Variants in OSBPL3 observed in about 807,000 individuals in gnomAD.
OSBPL3 encodes the protein oxysterol binding protein like 3.
OSBPL3 carries 65 observed loss-of-function variants against 120.1 expected under a neutral mutation model. That is an observed-to-expected ratio of 0.54 (90% CI 0.44 to 0.67). OSBPL3 has a LOEUF of 0.67. Ranked by LOEUF, OSBPL3 falls within the 30% of genes least tolerant of loss-of-function variation. The probability of loss-of-function intolerance (pLI) is 0.00; values close to 1 mark genes in which losing one functional copy is unlikely to be tolerated. For missense variants in OSBPL3, 1,004 were observed against 1,082.1 expected (o/e 0.93, Z 1.01); for synonymous variants, 416 against 402.6 (o/e 1.03, Z -0.40).
At chr7:24,823,889 G>C (rs1163602455) in intron 16 of OSBPL3, among the ~76,000 whole-genome samples, 1 of 152,224 alleles carries the variant, frequency 6.6e-6, no homozygotes, top group Admixed American at 6.5e-5. Flanking sequence ...TATTAGAGTA[G>C]AGAATAATGA....
chr7:24,950,171 C>T (rs1814220320), intron 1 of OSBPL3, among the ~76,000 whole-genome samples: 1 of 152,118 alleles, frequency 6.6e-6, no homozygotes, highest in African/African-American at 2.4e-5. Flanking sequence ...CTTTCTTTAC[C>T]AGAATAAACA....
intron 1 of OSBPL3, among the ~76,000 whole-genome samples, chr7:24,919,649 A>AAAAC (rs1395334871): frequency 1.3e-5 from 2 of 152,014 alleles, no homozygotes; most frequent in African/African-American, 4.8e-5. Context: ...CTAAGGGGGA[A>AAAAC]AAAAGTGATA....
In OSBPL3 at chr7:24,879,396, C is replaced by CCACCGT. The variant is rs1803321133; in HGVS notation, c.97-7333_97-7328dup. Among the ~76,000 whole-genome samples, 3 of 152,320 alleles carry CCACCGT rather than the reference C, an allele frequency of 2.0e-5. No homozygotes were observed. Among genetic ancestry groups the CCACCGT allele is most frequent in the East Asian group, 3.9e-4 (2 of 5,182 alleles). On this transcript the variant is annotated intron_variant, in intron 2 of 22. Transcript: ENST00000313367. The surrounding 1 kb of genome is among the most constrained non-coding windows in gnomAD (Gnocchi z 5.6). ...AAATGGGAGTAGCAGTCATCACCCG[C>CCACCGT]CACCGTCACCATCCCTTCTTTCCCT...
intron 1 of OSBPL3, among the ~76,000 whole-genome samples, chr7:24,950,225 T>C (rs1025621189): frequency 1.2e-4 from 19 of 152,158 alleles, no homozygotes; most frequent in African/African-American, 4.6e-4. Flanking sequence ...TCCATCCACG[T>C]TGACATGTGC....
chr7:24,812,806 G>T (rs1033729623), intron 19 of OSBPL3, among the ~76,000 whole-genome samples: 1 of 152,120 alleles, frequency 6.6e-6, no homozygotes, highest in Admixed American at 6.5e-5. Flanking sequence ...GAAATTTAAA[G>T]TTGAGCTCTC....
At chr7:24,945,766 G>A (rs371483853) in intron 1 of OSBPL3, among the ~76,000 whole-genome samples, 12 of 152,294 alleles carry the variant, frequency 7.9e-5, no homozygotes, top group African/African-American at 2.6e-4. Flanking sequence ...CTGATTGTTC[G>A]TTCATAAGAG....
intron 1 of OSBPL3, among the ~76,000 whole-genome samples, chr7:24,897,303 A>C (rs1186692892): frequency 6.6e-6 from 1 of 151,742 alleles, no homozygotes; most frequent in East Asian, 1.9e-4. Flanking sequence ...ACTACAAACA[A>C]ATAAAGATGG....
In OSBPL3 at chr7:24,936,631, TA is replaced by T. The variant is rs1269065357; in HGVS notation, c.-150+43254del. Among the ~76,000 whole-genome samples, 1 of 151,940 alleles carries T rather than the reference TA, an allele frequency of 6.6e-6. No homozygotes were observed. Among genetic ancestry groups the T allele is most frequent in the Non-Finnish European group, 1.5e-5 (1 of 67,994 alleles). On this transcript the variant is annotated intron_variant, in intron 1 of 22. Coordinates refer to ENST00000313367, the MANE Select transcript of OSBPL3 (RefSeq NM_015550.4). The surrounding 1 kb of genome is among the most constrained non-coding windows in gnomAD (Gnocchi z 4.2). ...CCAGGTGGCAAAGAGAAAATGAAAA[TA>T]GGGGAAAGAGTCACTCTAGTCACAG...
rs1001041140 is a variant in OSBPL3, at chr7:24,916,035, T to C, written c.-149-23414A>G. Among the ~76,000 whole-genome samples, 8 of 152,104 alleles carry C rather than the reference T, an allele frequency of 5.3e-5. No individual in the cohort carries two copies. On this transcript the variant is annotated intron_variant, in intron 1 of 22. Coordinates refer to ENST00000313367, the MANE Select transcript of OSBPL3 (RefSeq NM_015550.4). The surrounding 1 kb of genome is among the most constrained non-coding windows in gnomAD (Gnocchi z 4.9). Reference sequence around the variant, plus strand: ...ACAAAAATAAAACAAGCAGCATACATCAGAAAGCCAGGCAGGGACAAAGGG... The same window carrying C: ...ACAAAAATAAAACAAGCAGCATACACCAGAAAGCCAGGCAGGGACAAAGGG...
In OSBPL3 at chr7:24,872,175, G is replaced by A. The variant is rs184760757; in HGVS notation, c.97-106C>T. On this transcript the variant is annotated intron_variant, in intron 2 of 22. Coordinates refer to ENST00000313367, the MANE Select transcript of OSBPL3 (RefSeq NM_015550.4). This position sits in a 1 kb window ranked among gnomAD's most constrained non-coding sequence, Gnocchi z 4.1. ...AAATTTATTCAAGATGGGGAGGCTG[G>A]CTGGGTTTGTTGGGGAGAAGAAATC... 2 of 819,518 alleles carry A rather than the reference G, an allele frequency of 2.4e-6. No homozygotes were observed. The highest frequency in any genetic ancestry group is 4.2e-6 in the Non-Finnish European group (2 of 481,920). The allele number at this position is 819,518 out of a possible 1,614,324, so 50.8% of individuals were successfully genotyped here. A position where few individuals can be genotyped will look rare whatever the true frequency, so the allele number is the denominator to read the frequency against.
Position 24,913,871 on chromosome 7 carries a change from T to A in OSBPL3, c.-149-21250A>T, listed in dbSNP as rs1408044432. On this transcript the variant is annotated intron_variant, in intron 1 of 22. Transcript: ENST00000313367. The surrounding 1 kb of genome is among the most constrained non-coding windows in gnomAD (Gnocchi z 5.3). Reference sequence around the variant, plus strand: ...CCCATCAAAAACATACACCCAGAAATGGAAAACAGAGCTAAAGTAAAGTAA... The same window carrying A: ...CCCATCAAAAACATACACCCAGAAAAGGAAAACAGAGCTAAAGTAAAGTAA... Among the ~76,000 whole-genome samples the A allele has an allele frequency of 6.6e-6, 1 of 151,902 alleles. No individual in the cohort carries two copies. Among genetic ancestry groups the A allele is most frequent in the African/African-American group, 2.4e-5 (1 of 41,320 alleles).
intron 1 of OSBPL3, among the ~76,000 whole-genome samples, chr7:24,910,724 G>C (rs1808697790): frequency 6.6e-6 from 1 of 152,238 alleles, no homozygotes; most frequent in African/African-American, 2.4e-5. Context: ...AGTCACAAGG[G>C]AAGAGCTCAG....
intron 1 of OSBPL3, among the ~76,000 whole-genome samples, chr7:24,958,330 C>T (rs543652593): frequency 3.9e-5 from 6 of 152,118 alleles, no homozygotes; most frequent in African/African-American, 1.4e-4. Context: ...GGTTTTTTGG[C>T]TTTTTTTGAT....
In OSBPL3 at chr7:24,800,186, C is replaced by T. The variant is rs1792122621; in HGVS notation, c.2661G>A (p.Trp887Ter). 1.3e-6 allele frequency: 2 copies of T among 1,569,866 alleles called. No homozygotes were observed. The highest frequency in any genetic ancestry group is 1.7e-5 in the Admixed American group (1 of 59,944). Residue 887 changes from tryptophan to a stop codon, truncating the protein, a stop_gained, in exon 23 of 23, where the codon TGG (tryptophan) becomes TGA (stop). Transcript: ENST00000313367. LOFTEE classifies it high-confidence loss of function. ...GTTATCTTTCTTCTTTACTTTTTCA[C>T]CATAAGACAGGATGGTCCAGTTTGG... ...GFSKLDHPVL[W>*]
chr7:24,828,596 G>T (rs1795970433), intron 16 of OSBPL3, among the ~76,000 whole-genome samples: 2 of 103,822 alleles, frequency 1.9e-5, no homozygotes, highest in South Asian at 6.7e-4. Context: ...GACAAAGTGA[G>T]ACTCTGTCTG....
At chr7:24,897,318 A>AACTT (rs1466449566) in intron 1 of OSBPL3, among the ~76,000 whole-genome samples, 55 of 144,664 alleles carry the variant, frequency 3.8e-4, no homozygotes, top group Admixed American at 6.8e-4. Flanking sequence ...AGATGGCAGA[A>AACTT]TCTTTTTTTT....
intron 2 of OSBPL3, among the ~76,000 whole-genome samples, chr7:24,888,198 C>A (rs1334349896): frequency 6.6e-6 from 1 of 152,056 alleles, no homozygotes; most frequent in Non-Finnish European, 1.5e-5. Flanking sequence ...TCAGGACTTT[C>A]ACAAATAAGA....
At chr7:24,945,301 T>G (rs1813588528) in intron 1 of OSBPL3, among the ~76,000 whole-genome samples, 1 of 152,200 alleles carries the variant, frequency 6.6e-6, no homozygotes, top group Non-Finnish European at 1.5e-5. Flanking sequence ...CTATTCACTC[T>G]TCTAATGGCA....
chr7:24,924,761 C>G (rs1344580578), intron 1 of OSBPL3, among the ~76,000 whole-genome samples: 1 of 152,158 alleles, frequency 6.6e-6, no homozygotes, highest in Non-Finnish European at 1.5e-5. Flanking sequence ...GCTCACTGAT[C>G]TGACAGTAAT....
Sources: gnomAD v4.1 joint callset for allele counts (sites outside exome capture counted in the v4.1 genomes callset) on GRCh38, gnomAD v4.1.1 for gene constraint, Gnocchi (gnomAD v3.1) non-coding constraint, MANE v1.5 for transcripts, NCBI Gene and HGNC (gene_info 2026-07-23, HGNC 2026-07-21) for gene names.